Variants in TBC1D4 observed in about 807,000 individuals in gnomAD.
TBC1D4 encodes the protein TBC (Tre-2, BUB2, CDC16) domain-containing protein.
In TBC1D4, 121 loss-of-function variants were observed where a neutral mutation model predicts 142.5. That is an observed-to-expected ratio of 0.85 (90% confidence interval 0.73 to 0.99). The LOEUF (loss-of-function observed/expected upper bound fraction) is 0.99. Among genes scored for constraint, TBC1D4 ranks in the 50% least tolerant of loss-of-function variants. The pLI, the probability that TBC1D4 is intolerant of heterozygous loss-of-function variation, is 0.00. For synonymous variants in TBC1D4, 630 were observed against 628.2 expected, an observed-to-expected ratio of 1.00 and a Z score of -0.04; for missense variants, 1,475 against 1,606.6, an observed-to-expected ratio of 0.92 and a Z score of 1.40.
Position 75,481,862 on chromosome 13 carries a change from CGCACCGGGCTCCCGCGCCTGCCTG to C in TBC1D4, c.-119_-96del, listed in dbSNP as rs571162418. ...GCGCCGCCGAAACTGTGCCAACTGC[CGCACCGGGCTCCCGCGCCTGCCTG>C]GGAGCGGCGCGACCCCGAACTCCGC... is the stretch of plus-strand genomic sequence containing the variant. On this transcript the variant is annotated 5_prime_UTR_variant, in exon 1 of 21. Coordinates refer to ENST00000377636, the MANE Select transcript of TBC1D4 (RefSeq NM_014832.5). 5.7e-5 allele frequency: 79 copies of C among 1,375,352 alleles called. 2 individuals carry two copies. The South Asian group carries it at 1.3e-3, about 23-fold the overall frequency. The allele number at this position is 1,375,352 out of a possible 1,614,324, so 85.2% of individuals were successfully genotyped here.
Position 75,295,003 on chromosome 13 carries a change from T to A in TBC1D4, c.3167A>T (p.Tyr1056Phe), listed in dbSNP as rs757249842. The A allele has an allele frequency of 2.5e-6, 4 of 1,613,684 alleles. No individual in the cohort carries two copies. Among genetic ancestry groups the A allele is most frequent in the Non-Finnish European group, 3.4e-6 (4 of 1,179,794 alleles). Residue 1056 changes from tyrosine to phenylalanine, a missense_variant, in exon 18 of 21, where the codon TAC (tyrosine) becomes TTC (phenylalanine). Around this residue, in one of 2 missense-constraint regions of TBC1D4, gnomAD observed 248 missense variants for 338.9 expected, o/e 0.73. Coordinates refer to ENST00000377636, the MANE Select transcript of TBC1D4 (RefSeq NM_014832.5). Reference sequence around the variant, plus strand: ...GTCATGAAGGAGCCTGGACAGCTGGTACATTTGAATCTAAAGTTAATTTGG... The same window carrying A: ...GTCATGAAGGAGCCTGGACAGCTGGAACATTTGAATCTAAAGTTAATTTGG... ...PDMMSLQIQM[Y>F]QLSRLLHDYH...
intron 1 of TBC1D4, among the ~76,000 whole-genome samples, chr13:75,480,641 T>C (rs997799408): frequency 2.6e-5 from 4 of 152,236 alleles, no homozygotes; most frequent in Non-Finnish European, 2.9e-5. Flanking sequence ...AAAGGGCTTC[T>C]TTCCATTCAA....
intron 1 of TBC1D4, among the ~76,000 whole-genome samples, chr13:75,380,207 CA>C (rs1883749710): frequency 6.6e-6 from 1 of 151,566 alleles, no homozygotes; most frequent in African/African-American, 2.4e-5. Flanking sequence ...AAGAGGCAGA[CA>C]TGCCTGTAAT....
At chr13:75,385,671 C>T (rs144211070) in intron 1 of TBC1D4, among the ~76,000 whole-genome samples, 40 of 152,334 alleles carry the variant, frequency 2.6e-4, no homozygotes, top group South Asian at 1.7e-3. Flanking sequence ...CTATCACTAA[C>T]GGAGCACTTA....
At chr13:75,446,936 G>A (rs1461847451) in intron 1 of TBC1D4, among the ~76,000 whole-genome samples, 1 of 152,134 alleles carries the variant, frequency 6.6e-6, no homozygotes, top group Non-Finnish European at 1.5e-5. Flanking sequence ...AGCACCCTCA[G>A]CAGGACCTGA....
intron 15 of TBC1D4, among the ~76,000 whole-genome samples, chr13:75,303,949 G>C (rs541663595): frequency 6.6e-6 from 1 of 151,988 alleles, no homozygotes; most frequent in African/African-American, 2.4e-5. Flanking sequence ...CTTTTCTTTT[G>C]AAGCTCTCCC....
Position 75,306,464 on chromosome 13 carries a change from TCTGCTTGCTAAGGAAAAAAACAATTTA to T in TBC1D4, c.2594-20_2600del. ...TAACTTTTCTGGACTGGAGTTCATC[TCTGCTTGCTAAGGAAAAAAACAATTTA>T]CGTAAGACCAATGTGTTTTTCAAAT... On this transcript the variant is annotated splice_acceptor_variant and splice_polypyrimidine_tract_variant and coding_sequence_variant and intron_variant, in exon 15 of 21. Transcript: ENST00000377636. LOFTEE classifies it high-confidence loss of function. 1 of 1,613,194 alleles carries T rather than the reference TCTGCTTGCTAAGGAAAAAAACAATTTA, an allele frequency of 6.2e-7. No individual in the cohort carries two copies. The highest frequency in any genetic ancestry group is 8.5e-7 in the Non-Finnish European group (1 of 1,179,856).
At chr13:75,407,951 T>G (rs1263549093) in intron 1 of TBC1D4, among the ~76,000 whole-genome samples, 1 of 152,130 alleles carries the variant, frequency 6.6e-6, no homozygotes, top group Non-Finnish European at 1.5e-5. Flanking sequence ...AGCTACCATA[T>G]TTTTAACAGC....
chr13:75,332,283 C>T (rs1213402121), intron 8 of TBC1D4, among the ~76,000 whole-genome samples: 1 of 152,178 alleles, frequency 6.6e-6, no homozygotes, highest in Non-Finnish European at 1.5e-5. Flanking sequence ...AACATTTAAT[C>T]CTCACAATTA....
At position 75,385,713 on chromosome 13, in the gene TBC1D4, A is replaced by AT. The variant is rs371673025; in HGVS notation, c.499-23107dup. 4.4e-3 allele frequency among the ~76,000 whole-genome samples: 676 copies of AT among 152,300 alleles called. 5 individuals are homozygous for AT. The highest frequency in any genetic ancestry group is 0.015 in the African/African-American group (604 of 41,554). On this transcript the variant is annotated intron_variant, in intron 1 of 20. Transcript: ENST00000377636. ...GGGCACTGTTCTAAATGCTTTATAT[A>AT]TTTTATCTCCTTTAATCCTCACAAC...
At chr13:75,451,256 C>T (rs1171443201) in intron 1 of TBC1D4, among the ~76,000 whole-genome samples, 1 of 151,954 alleles carries the variant, frequency 6.6e-6, no homozygotes, top group East Asian at 1.9e-4. Flanking sequence ...AAAAAAAGTG[C>T]CTCGCAGTGT....
intron 1 of TBC1D4, among the ~76,000 whole-genome samples, chr13:75,427,879 T>G (rs1319006160): frequency 6.6e-6 from 1 of 152,224 alleles, no homozygotes; most frequent in African/African-American, 2.4e-5. Context: ...GCTAAATTAC[T>G]TTTTCATGAA....
At chr13:75,308,182 A>G (rs1236398037) in intron 14 of TBC1D4, among the ~76,000 whole-genome samples, 1 of 152,214 alleles carries the variant, frequency 6.6e-6, no homozygotes, top group Non-Finnish European at 1.5e-5. Context: ...ACTATTTTTT[A>G]TCTTTGTTAT....
chr13:75,473,012 T>G (rs943207219), intron 1 of TBC1D4, among the ~76,000 whole-genome samples: 6 of 152,192 alleles, frequency 3.9e-5, no homozygotes, highest in Non-Finnish European at 8.8e-5. Context: ...TATTTATTTA[T>G]TTGGAGACAG....
In TBC1D4 at chr13:75,435,466, G is replaced by A. The variant is rs552774252; in HGVS notation, c.498+45804C>T. On this transcript the variant is annotated intron_variant, in intron 1 of 20. Transcript: ENST00000377636. ...AAAACTTCAGTAATAACTGTAACAA[G>A]GTTTTTAATTTAATCTTTACAAACT... is the stretch of plus-strand genomic sequence containing the variant. Among the ~76,000 whole-genome samples, 43 of 152,096 alleles carry A rather than the reference G, an allele frequency of 2.8e-4. 1 individual carries two copies. The South Asian group carries it at 8.7e-3, about 31-fold the overall frequency.
intron 1 of TBC1D4, among the ~76,000 whole-genome samples, chr13:75,415,282 T>C (rs1885869430): frequency 6.6e-6 from 1 of 152,238 alleles, no homozygotes; most frequent in Admixed American, 6.5e-5. Flanking sequence ...CATCCAGTTG[T>C]AGACATTCAC....
intron 1 of TBC1D4, among the ~76,000 whole-genome samples, chr13:75,407,990 G>A (rs1190130014): frequency 1.3e-5 from 2 of 152,094 alleles, no homozygotes; most frequent in Non-Finnish European, 2.9e-5. Context: ...ACATACCATA[G>A]ATTCACCTTT....
chr13:75,340,068 A>G (rs901292377), intron 7 of TBC1D4, among the ~76,000 whole-genome samples: 5 of 152,158 alleles, frequency 3.3e-5, no homozygotes, highest in Non-Finnish European at 7.4e-5. Flanking sequence ...CTATGTATCT[A>G]TTGATCTGTT....
At chr13:75,425,891 C>T (rs1174528868) in intron 1 of TBC1D4, among the ~76,000 whole-genome samples, 3 of 152,120 alleles carry the variant, frequency 2.0e-5, no homozygotes, top group Admixed American at 6.6e-5. Context: ...ACCTACTGTA[C>T]ATCATGGTGA....
Sources: gnomAD v4.1 joint callset for allele counts (sites outside exome capture counted in the v4.1 genomes callset) on GRCh38, gnomAD v4.1.1 for gene constraint, gnomAD v4.1.1 regional missense constraint, MANE v1.5 for transcripts, NCBI Gene and HGNC (gene_info 2026-07-23, HGNC 2026-07-21) for gene names.